The following OPCML variants were observed in gnomAD, a reference collection of about 807,000 sequenced individuals.
OPCML encodes the protein opioid-binding protein/cell adhesion molecule.
A neutral mutation model predicts 37.8 loss-of-function variants in OPCML; 13 were observed. The observed-to-expected ratio is 0.34, with a 90% confidence interval of 0.22 to 0.55. The LOEUF (loss-of-function observed/expected upper bound fraction) is 0.55, where lower values mean the gene tolerates loss of function less well. OPCML is among the 20% of genes least tolerant of loss of function. The pLI is 0.91. For missense variants in OPCML, 341 were observed against 435.6 expected, an observed-to-expected ratio of 0.78 and a Z score of 1.93; for synonymous variants, 176 against 168.8, an observed-to-expected ratio of 1.04 and a Z score of -0.33.
chr11:132,998,788 A>G (rs865993996), intron 1 of OPCML, among the ~76,000 whole-genome samples: 3 of 152,206 alleles, frequency 2.0e-5, no homozygotes, highest in Non-Finnish European at 2.9e-5. Flanking sequence ...CCATGTGAGA[A>G]TAGTGACAAA....
In OPCML at chr11:133,496,898, C is replaced by G. The variant is rs186399598; in HGVS notation, c.61+35366G>C. On this transcript the variant is annotated intron_variant, in intron 1 of 7. Transcript: ENST00000524381. ...CAATTTGGATGGCCTTTATTTCTTT[C>G]CCTTGTCTGATTTCTCTTGCTAGGA... is the stretch of plus-strand genomic sequence containing the variant. 6.8e-4 allele frequency among the ~76,000 whole-genome samples: 103 copies of G among 152,252 alleles called. 3 individuals are homozygous for G. Among genetic ancestry groups the G allele is most frequent in the African/African-American group, 2.3e-3 (97 of 41,546 alleles).
intron 2 of OPCML, among the ~76,000 whole-genome samples, chr11:132,858,870 A>G (rs1942175931): frequency 6.6e-6 from 1 of 152,248 alleles, no homozygotes; most frequent in East Asian, 1.9e-4. Context: ...GCCGACTATG[A>G]GGTAACGCAG....
intron 1 of OPCML, among the ~76,000 whole-genome samples, chr11:133,424,532 C>G (rs1945960549): frequency 6.6e-6 from 1 of 152,170 alleles, no homozygotes; most frequent in Non-Finnish European, 1.5e-5. Flanking sequence ...ACATCATTAA[C>G]TATTTCTAAA....
intron 1 of OPCML, among the ~76,000 whole-genome samples, chr11:133,102,714 C>T (rs578090072): frequency 1.4e-4 from 21 of 152,254 alleles, no homozygotes; most frequent in African/African-American, 5.1e-4. Context: ...CGCCCCACTG[C>T]ACTCCAGCCT....
At chr11:133,506,667 T>A (rs1010641627) in intron 1 of OPCML, among the ~76,000 whole-genome samples, 11 of 152,158 alleles carry the variant, frequency 7.2e-5, no homozygotes, top group Admixed American at 6.5e-4. Context: ...GCTCTAATCA[T>A]CCCTGATAAA....
At position 132,417,235 on chromosome 11, in the gene OPCML, G is replaced by T. The variant is rs546270995; in HGVS notation, c.*2958C>A. ...ATATTGTCTTGTGTAAGCATTTGTTGTTCTATATGCTTCAAAATGATGGGT... is the reference window on the plus strand; with the variant it reads ...ATATTGTCTTGTGTAAGCATTTGTTTTTCTATATGCTTCAAAATGATGGGT... On this transcript the variant is annotated 3_prime_UTR_variant, in exon 8 of 8. Coordinates refer to ENST00000524381, the MANE Select transcript of OPCML (RefSeq NM_001012393.5). 3.3e-5 allele frequency: 5 copies of T among 152,256 alleles called. No homozygotes were observed. Among genetic ancestry groups the T allele is most frequent in the Admixed American group, 2.0e-4 (3 of 15,290 alleles). 9.4% of individuals were successfully genotyped at this position (152,256 alleles called of 1,614,324 possible). A position where few individuals can be genotyped will look rare whatever the true frequency, so the allele number is the denominator to read the frequency against.
At chr11:133,083,438 C>T (rs1282048193) in intron 1 of OPCML, among the ~76,000 whole-genome samples, 2 of 152,168 alleles carry the variant, frequency 1.3e-5, no homozygotes, top group Non-Finnish European at 2.9e-5. Context: ...AGGGAGCCAA[C>T]CCCACCCCAC....
chr11:132,564,685 T>A (rs1336989026), intron 3 of OPCML, among the ~76,000 whole-genome samples: 7 of 151,966 alleles, frequency 4.6e-5, no homozygotes, highest in Non-Finnish European at 1.5e-5. Flanking sequence ...CCTAAGGGAG[T>A]GTTCCCCTGT....
At position 132,943,134 on chromosome 11, in the gene OPCML, G is replaced by GTC; in HGVS notation, c.62-126_62-125dup. 1 of 1,607,660 alleles carries GTC rather than the reference G, an allele frequency of 6.2e-7. No homozygotes were observed. Among genetic ancestry groups the GTC allele is most frequent in the Non-Finnish European group, 8.5e-7 (1 of 1,174,782 alleles). On this transcript the variant is annotated intron_variant, in intron 1 of 7. Transcript: ENST00000524381. This position sits in a 1 kb window ranked among gnomAD's most constrained non-coding sequence, Gnocchi z 4.3. ...TTCCCAGGACTCCGGCAGCCGCACA[G>GTC]TCCTGGTCCCCCGCCCCGCGCACCA... is the stretch of plus-strand genomic sequence containing the variant.
intron 1 of OPCML, among the ~76,000 whole-genome samples, chr11:133,252,194 A>G (rs553155209): frequency 6.6e-6 from 1 of 152,228 alleles, no homozygotes; most frequent in Non-Finnish European, 1.5e-5. Context: ...AAATTTCTAA[A>G]ATACATACAC....
intron 1 of OPCML, among the ~76,000 whole-genome samples, chr11:133,047,486 GA>G (rs1163263027): frequency 6.6e-6 from 1 of 152,186 alleles, no homozygotes; most frequent in Non-Finnish European, 1.5e-5. Context: ...ATCCATTCCT[GA>G]ATGCTTCTTC....
chr11:132,429,161 G>C (rs1178097518), intron 7 of OPCML, among the ~76,000 whole-genome samples: 1 of 152,150 alleles, frequency 6.6e-6, no homozygotes, highest in Non-Finnish European at 1.5e-5. Context: ...CAGGTGGAGT[G>C]CTGGGGACAC....
intron 1 of OPCML, among the ~76,000 whole-genome samples, chr11:133,189,442 A>T (rs1938215840): frequency 6.6e-6 from 1 of 152,200 alleles, no homozygotes; most frequent in East Asian, 1.9e-4. Context: ...TTTAACAAGG[A>T]TCTGAAAAGT....
At chr11:132,955,509 T>C (rs192076056) in intron 1 of OPCML, among the ~76,000 whole-genome samples, 170 of 147,092 alleles carry the variant, frequency 1.2e-3, no homozygotes, top group African/African-American at 4.3e-3. Context: ...TTAACACCTC[T>C]ATAAGGAAGG....
intron 1 of OPCML, among the ~76,000 whole-genome samples, chr11:133,371,913 G>A (rs1247976980): frequency 6.6e-6 from 1 of 152,154 alleles, no homozygotes; most frequent in Non-Finnish European, 1.5e-5. Flanking sequence ...AGTGAAAGAA[G>A]ACAGGCACAG....
intron 1 of OPCML, among the ~76,000 whole-genome samples, chr11:133,424,846 C>T (rs755097235): frequency 6.6e-6 from 1 of 152,142 alleles, no homozygotes; most frequent in Non-Finnish European, 1.5e-5. Flanking sequence ...TAGCAATATG[C>T]CACAAATACT....
At chr11:132,840,117 A>C (rs186359004) in intron 2 of OPCML, among the ~76,000 whole-genome samples, 1 of 152,292 alleles carries the variant, frequency 6.6e-6, no homozygotes, top group East Asian at 1.9e-4. Flanking sequence ...GGGCCACAGC[A>C]GCCATCAGAC....
At chr11:133,420,115 G>T in intron 1 of OPCML, 1 of 290,414 alleles carries the variant, frequency 3.4e-6, no homozygotes, top group Non-Finnish European at 5.1e-6. Context: ...AAAATACCGT[G>T]CTAGAGATCC....
intron 1 of OPCML, among the ~76,000 whole-genome samples, chr11:133,168,450 C>A (rs1950244013): frequency 6.6e-6 from 1 of 151,812 alleles, no homozygotes; most frequent in African/African-American, 2.4e-5. Context: ...TCATTGTGGC[C>A]CAATGTTCAA....
Sources: gnomAD v4.1 joint callset for allele counts (sites outside exome capture counted in the v4.1 genomes callset) on GRCh38, gnomAD v4.1.1 for gene constraint, Gnocchi (gnomAD v3.1) non-coding constraint, MANE v1.5 for transcripts, NCBI Gene and HGNC (gene_info 2026-07-23, HGNC 2026-07-21) for gene names.